LIMCH1: variants seen among roughly 807,000 people sequenced by gnomAD.
LIMCH1 encodes the protein LIM and calponin homology domains-containing protein 1.
In LIMCH1, 113 loss-of-function variants were observed where a neutral mutation model predicts 176.5. The ratio of observed to expected loss-of-function variants is 0.64; its 90% confidence interval spans 0.55 to 0.75. LIMCH1 has a LOEUF of 0.75. LIMCH1 is among the 30% of genes least tolerant of loss of function. The pLI is 0.00. For missense variants in LIMCH1, 1,674 were observed against 1,814.9 expected, an observed-to-expected ratio of 0.92 and a Z score of 1.41; for synonymous variants, 619 against 645.9, an observed-to-expected ratio of 0.96 and a Z score of 0.63.
intron 1 of LIMCH1, among the ~76,000 whole-genome samples, chr4:41,362,983 C>A (rs576598982): frequency 2.0e-5 from 3 of 152,208 alleles, no homozygotes; most frequent in South Asian, 4.1e-4. Flanking sequence ...ACCAGGCAGC[C>A]CAGGCGAGCT....
At chr4:41,416,894 C>G (rs374563445) in intron 1 of LIMCH1, among the ~76,000 whole-genome samples, 1 of 152,248 alleles carries the variant, frequency 6.6e-6, no homozygotes, top group East Asian at 1.9e-4. Flanking sequence ...TAGGGACTTA[C>G]AAATAGAACC....
chr4:41,539,506 C>T (rs1159292374), intron 1 of LIMCH1, among the ~76,000 whole-genome samples: 1 of 152,186 alleles, frequency 6.6e-6, no homozygotes, highest in Non-Finnish European at 1.5e-5. Flanking sequence ...CATAACTCCT[C>T]CAATTTTGAA....
chr4:41,450,939 G>T (rs1305659573), intron 1 of LIMCH1, among the ~76,000 whole-genome samples: 3 of 152,116 alleles, frequency 2.0e-5, no homozygotes, highest in East Asian at 3.9e-4. Flanking sequence ...GTGTATATGG[G>T]TCATCATAGA....
intron 1 of LIMCH1, among the ~76,000 whole-genome samples, chr4:41,453,047 T>C (rs1270021829): frequency 6.6e-6 from 1 of 152,160 alleles, no homozygotes; most frequent in East Asian, 1.9e-4. Context: ...CTCAGTGCTG[T>C]TGCTGACACA....
intron 1 of LIMCH1, among the ~76,000 whole-genome samples, chr4:41,362,008 C>T (rs1274184327): frequency 2.0e-5 from 3 of 152,104 alleles, no homozygotes; most frequent in East Asian, 1.9e-4. Flanking sequence ...TCCAGAATTC[C>T]GCCTGTCACT....
intron 24 of LIMCH1, among the ~76,000 whole-genome samples, chr4:41,680,429 G>A (rs532152018): frequency 6.6e-6 from 1 of 152,174 alleles, no homozygotes; most frequent in Non-Finnish European, 1.5e-5. Context: ...TGTGTTTGTT[G>A]TTTGGTAATA....
At chr4:41,363,245 G>A (rs925902898) in intron 1 of LIMCH1, among the ~76,000 whole-genome samples, 4 of 152,172 alleles carry the variant, frequency 2.6e-5, no homozygotes, top group Non-Finnish European at 4.4e-5. Context: ...AGCTAATACA[G>A]CAATAATGTA....
chr4:41,693,736 C>T (rs1161597456), intron 31 of LIMCH1, among the ~76,000 whole-genome samples: 5 of 152,096 alleles, frequency 3.3e-5, no homozygotes, highest in Non-Finnish European at 7.4e-5. Flanking sequence ...ATTTTCCTAT[C>T]GTCTTCTATA....
At chr4:41,585,868 T>C (rs377260048) in intron 1 of LIMCH1, among the ~76,000 whole-genome samples, 278 of 152,344 alleles carry the variant, frequency 1.8e-3, no homozygotes, top group African/African-American at 5.0e-3. Context: ...ATGACTCATG[T>C]AGGTTGGAAA....
intron 1 of LIMCH1, among the ~76,000 whole-genome samples, chr4:41,565,724 G>C (rs899501278): frequency 1.3e-5 from 2 of 152,144 alleles, no homozygotes; most frequent in African/African-American, 4.8e-5. Context: ...CATTTTGACT[G>C]TCTCAGCCTT....
intron 21 of LIMCH1, chr4:41,671,057 TTA>T: frequency 1.2e-5 from 10 of 820,684 alleles, no homozygotes; most frequent in Non-Finnish European, 1.5e-5. Flanking sequence ...TCCCCTGCCT[TTA>T]AAAAAAAAAA....
chr4:41,645,421 T>C (rs909179750), intron 15 of LIMCH1, among the ~76,000 whole-genome samples: 2 of 152,170 alleles, frequency 1.3e-5, no homozygotes, highest in African/African-American at 4.8e-5. Context: ...CATTTAACCC[T>C]GCAAGCTTGT....
chr4:41,592,977 G>A (rs184542144), intron 1 of LIMCH1, among the ~76,000 whole-genome samples: 187 of 152,324 alleles, frequency 1.2e-3, no homozygotes, highest in African/African-American at 4.1e-3. Flanking sequence ...AGAAGAGTAC[G>A]TAGCACATTG....
In LIMCH1 at chr4:41,699,049, A is replaced by G. The variant is rs901050776; in HGVS notation, c.*1864A>G. The G allele has an allele frequency of 2.0e-5, 3 of 152,252 alleles. No homozygotes were observed. Among genetic ancestry groups the G allele is most frequent in the African/African-American group, 7.2e-5 (3 of 41,472 alleles). 9.4% of individuals were successfully genotyped at this position (152,252 alleles called of 1,614,324 possible). On this transcript the variant is annotated 3_prime_UTR_variant, in exon 32 of 32. Transcript: ENST00000503057. ...TTTTGAAAATGTACAGATCAAGTCC[A>G]ATATTTTGATTATCCACCTGCATGT...
At chr4:41,477,072 CAT>C (rs1164579203) in intron 1 of LIMCH1, among the ~76,000 whole-genome samples, 9 of 152,160 alleles carry the variant, frequency 5.9e-5, no homozygotes, top group African/African-American at 2.2e-4. Context: ...ATTTAGACAA[CAT>C]GGCACACTGG....
chr4:41,658,232 C>T (rs28698602), intron 18 of LIMCH1, among the ~76,000 whole-genome samples: 85,719 of 152,040 alleles, frequency 0.56, 25,374 homozygotes, highest in African/African-American at 0.72. Context: ...TTATGTGAGA[C>T]GATTCTTATG....
rs1479823691 is a variant in LIMCH1, at chr4:41,682,672, C to CTTTTTTTTTTTTTTTTTTTTTTTTTTT, written c.3845+214_3845+215insTTTTTTTTTTTTTTTTTTTTTTTTTTT. ...TATAAATAGCCTTATTTTTTTTCTT[C>CTTTTTTTTTTTTTTTTTTTTTTTTTTT]TTCTTCTTTTTTTTTTTTTTGCTTG... On this transcript the variant is annotated intron_variant, in intron 26 of 31. Coordinates refer to ENST00000503057, the MANE Select transcript of LIMCH1 (RefSeq NM_001330672.2). Among the ~76,000 whole-genome samples the CTTTTTTTTTTTTTTTTTTTTTTTTTTT allele has an allele frequency of 1.4e-5, 2 of 139,932 alleles. 1 individual carries two copies. The allele number at this position is 139,932 out of a possible 152,430, so 91.8% of individuals were successfully genotyped here. A position where few individuals can be genotyped will look rare whatever the true frequency, so the allele number is the denominator to read the frequency against.
intron 1 of LIMCH1, among the ~76,000 whole-genome samples, chr4:41,434,458 C>G (rs1019293550): frequency 6.6e-6 from 1 of 152,208 alleles, no homozygotes; most frequent in African/African-American, 2.4e-5. Flanking sequence ...TTCTCCATCT[C>G]TCACATCACC....
At chr4:41,405,384 G>A (rs2058858443) in intron 1 of LIMCH1, among the ~76,000 whole-genome samples, 1 of 152,152 alleles carries the variant, frequency 6.6e-6, no homozygotes, top group Admixed American at 6.5e-5. Flanking sequence ...TGCGTAATGA[G>A]TAAAATTATC....
Sources: allele counts gnomAD v4.1 joint callset (sites outside exome capture counted in the v4.1 genomes callset), GRCh38; gene constraint gnomAD v4.1.1; transcripts MANE v1.5; gene names NCBI Gene and HGNC (gene_info 2026-07-23, HGNC 2026-07-21).